Variants in CNTN6 observed in about 807,000 individuals in gnomAD.
The protein encoded by CNTN6 is contactin 6.
Under a neutral mutation model 122.8 loss-of-function variants are expected in CNTN6, and 137 were observed. That is an observed-to-expected ratio of 1.12 (90% CI 0.97 to 1.29). CNTN6 has a LOEUF of 1.29. Ranked by LOEUF, CNTN6 falls within the 50% of genes most tolerant of loss-of-function variation. The pLI, the probability that CNTN6 is intolerant of heterozygous loss-of-function variation, is 0.00. For missense variants in CNTN6, 1,634 were observed against 1,223.4 expected, an observed-to-expected ratio of 1.34 and a Z score of -5.01; for synonymous variants, 570 against 426.0, an observed-to-expected ratio of 1.34 and a Z score of -4.16.
rs545862442 is a variant in CNTN6 at position 1,202,465 on chromosome 3, C to G, written c.56-18222C>G. 1.1e-4 allele frequency among the ~76,000 whole-genome samples: 17 copies of G among 150,044 alleles called. 1 individual carries two copies. The highest frequency in any genetic ancestry group is 6.6e-4 in the Admixed American group (10 of 15,068). On this transcript the variant is annotated intron_variant, in intron 2 of 22. Coordinates refer to ENST00000446702, the MANE Select transcript of CNTN6 (RefSeq NM_001289080.2). Reference sequence around the variant, plus strand: ...TGAGGCGGGAGAATGGCGGGAACCCCGGGGGGCGGAGCTTGCAGTGAGCCA... The same window carrying G: ...TGAGGCGGGAGAATGGCGGGAACCCGGGGGGGCGGAGCTTGCAGTGAGCCA...
At chr3:1,237,080 CA>C (rs2094432108) in intron 4 of CNTN6, among the ~76,000 whole-genome samples, 1 of 146,008 alleles carries the variant, frequency 6.8e-6, no homozygotes, top group Non-Finnish European at 1.5e-5. Flanking sequence ...GACTCTGTTT[CA>C]AAAAGAAAAA....
In CNTN6 at chr3:1,380,127, A is replaced by T. The variant is rs150849187; in HGVS notation, c.2167-2815A>T. Among the ~76,000 whole-genome samples the T allele has an allele frequency of 4.7e-3, 712 of 152,294 alleles. 5 individuals are homozygous for T. Among genetic ancestry groups the T allele is most frequent in the African/African-American group, 0.016 (672 of 41,578 alleles). On this transcript the variant is annotated intron_variant, in intron 17 of 22. Coordinates refer to ENST00000446702, the MANE Select transcript of CNTN6 (RefSeq NM_001289080.2). ...GAAGTAGAGAGGCCACCCCAGGTCA[A>T]TGTCACTCCTGTTGTAGTTGAAATA... is the stretch of plus-strand genomic sequence containing the variant.
intron 4 of CNTN6, among the ~76,000 whole-genome samples, chr3:1,257,884 T>A (rs2094785201): frequency 6.6e-6 from 1 of 152,190 alleles, no homozygotes; most frequent in Non-Finnish European, 1.5e-5. Flanking sequence ...TTATTCTTCC[T>A]GTAAATAGGT....
intron 1 of CNTN6, among the ~76,000 whole-genome samples, chr3:1,139,073 T>C (rs1169808941): frequency 6.6e-6 from 1 of 152,168 alleles, no homozygotes; most frequent in Admixed American, 6.6e-5. Flanking sequence ...TTAATTATTC[T>C]TCACCTGTTT....
At chr3:1,136,452 C>A (rs2092475764) in intron 1 of CNTN6, among the ~76,000 whole-genome samples, 1 of 152,122 alleles carries the variant, frequency 6.6e-6, no homozygotes, top group Non-Finnish European at 1.5e-5. Context: ...GCAGGCTATA[C>A]CCCTGTCTTC....
chr3:1,133,735 G>A (rs1005719433), intron 1 of CNTN6, among the ~76,000 whole-genome samples: 4 of 152,206 alleles, frequency 2.6e-5, no homozygotes, highest in African/African-American at 7.2e-5. Context: ...TAAACTCCTA[G>A]ATTAGGTTGG....
intron 4 of CNTN6, among the ~76,000 whole-genome samples, chr3:1,239,741 C>T (rs2136147): frequency 0.3 from 45,480 of 151,940 alleles, 7,029 homozygotes; most frequent in East Asian, 0.43. Flanking sequence ...AAAGAACACA[C>T]TGGGAGGCAT....
At chr3:1,277,548 A>G (rs1252751390) in intron 4 of CNTN6, among the ~76,000 whole-genome samples, 1 of 151,560 alleles carries the variant, frequency 6.6e-6, no homozygotes, top group Non-Finnish European at 1.5e-5. Context: ...TTTAGTAGAG[A>G]TGGGGTTTTG....
intron 1 of CNTN6, among the ~76,000 whole-genome samples, chr3:1,097,024 T>C (rs1425783856): frequency 6.6e-6 from 1 of 151,832 alleles, no homozygotes; most frequent in African/African-American, 2.4e-5. Context: ...ATTCTTTGAA[T>C]GAAAATTTTA....
At chr3:1,207,905 G>C (rs558398376) in intron 2 of CNTN6, among the ~76,000 whole-genome samples, 1 of 151,902 alleles carries the variant, frequency 6.6e-6, no homozygotes, top group Admixed American at 6.6e-5. Flanking sequence ...CAACATACAT[G>C]CATTCTTCCA....
chr3:1,403,247 G>A, intron 22 of CNTN6, 71 bp from the exon 23 acceptor site: 3 of 940,406 alleles, frequency 3.2e-6, no homozygotes, highest in Middle Eastern at 3.0e-4. Flanking sequence ...TGAAATTGGG[G>A]TTTTGAAAAA....
intron 17 of CNTN6, among the ~76,000 whole-genome samples, chr3:1,378,762 C>T (rs369717147): frequency 4.5e-4 from 68 of 152,238 alleles, no homozygotes; most frequent in African/African-American, 1.5e-3. Context: ...GGCAGAGAAG[C>T]ATTTGAACAC....
intron 20 of CNTN6, among the ~76,000 whole-genome samples, chr3:1,393,841 T>C (rs571261433): frequency 1.3e-5 from 2 of 152,280 alleles, no homozygotes; most frequent in Admixed American, 1.3e-4. Context: ...ATAATACCTA[T>C]ACATGTTTTA....
At chr3:1,095,198 C>T (rs574892103) in intron 1 of CNTN6, among the ~76,000 whole-genome samples, 2 of 152,080 alleles carry the variant, frequency 1.3e-5, no homozygotes, top group African/African-American at 2.4e-5. Flanking sequence ...ATTGGCCGCG[C>T]GCGGTGGTTC....
chr3:1,384,764 T>G (rs1309199940), intron 19 of CNTN6, among the ~76,000 whole-genome samples: 2 of 119,478 alleles, frequency 1.7e-5, no homozygotes, highest in Non-Finnish European at 3.4e-5. Context: ...TATATACATA[T>G]ATATACACAT....
intron 2 of CNTN6, among the ~76,000 whole-genome samples, chr3:1,205,860 A>G (rs1009576003): frequency 1.3e-5 from 2 of 152,190 alleles, no homozygotes; most frequent in East Asian, 3.9e-4. Context: ...TATGTGAATT[A>G]TATTTTAAGA....
At chr3:1,112,825 G>T (rs2091543292) in intron 1 of CNTN6, among the ~76,000 whole-genome samples, 1 of 152,082 alleles carries the variant, frequency 6.6e-6, no homozygotes, top group Admixed American at 6.6e-5. Flanking sequence ...CAGACTCCCA[G>T]GCAGGTCACA....
At chr3:1,132,678 T>TAAAG (rs1422899285) in intron 1 of CNTN6, among the ~76,000 whole-genome samples, 4 of 151,324 alleles carry the variant, frequency 2.6e-5, no homozygotes, top group Non-Finnish European at 5.9e-5. Flanking sequence ...AATAAATAAA[T>TAAAG]AAATAAATAA....
chr3:1,267,658 C>G (rs865863723), intron 4 of CNTN6, among the ~76,000 whole-genome samples: 1 of 151,992 alleles, frequency 6.6e-6, no homozygotes, highest in Admixed American at 6.6e-5. Flanking sequence ...TTTATAGTGT[C>G]GAATCCATTT....
Sources: allele counts gnomAD v4.1 joint callset (sites outside exome capture counted in the v4.1 genomes callset), GRCh38; gene constraint gnomAD v4.1.1; transcripts MANE v1.5; gene names NCBI Gene and HGNC (gene_info 2026-07-23, HGNC 2026-07-21).